Variants in SGCD observed in about 807,000 individuals in gnomAD.
SGCD encodes the protein sarcoglycan delta, also known as delta-sarcoglycan.
SGCD carries 18 observed loss-of-function variants against 36.6 expected under a neutral mutation model. That is an observed-to-expected ratio of 0.49 (90% CI 0.34 to 0.73). SGCD has a LOEUF of 0.73. Ranked by LOEUF, SGCD falls within the 30% of genes least tolerant of loss-of-function variation. The pLI, the probability that SGCD is intolerant of heterozygous loss-of-function variation, is 0.01. For synonymous variants in SGCD, 133 were observed against 130.6 expected, an observed-to-expected ratio of 1.02 and a Z score of -0.12; for missense variants, 387 against 346.7, an observed-to-expected ratio of 1.12 and a Z score of -0.92.
chr5:155,991,038 C>T (rs1241006492), intron 1 of SGCD, among the ~76,000 whole-genome samples: 1 of 152,142 alleles, frequency 6.6e-6, no homozygotes, highest in Non-Finnish European at 1.5e-5. Context: ...GCTCAAGAAT[C>T]TGTGTTTGTA....
At chr5:156,289,071 A>G (rs1766690896) in intron 3 of SGCD, among the ~76,000 whole-genome samples, 1 of 152,072 alleles carries the variant, frequency 6.6e-6, no homozygotes, top group Admixed American at 6.6e-5. Context: ...GAATTTTCCT[A>G]AATGTGTTCT....
At chr5:156,292,863 T>C (rs778332241) in intron 3 of SGCD, among the ~76,000 whole-genome samples, 15 of 152,144 alleles carry the variant, frequency 9.9e-5, no homozygotes, top group African/African-American at 3.1e-4. Context: ...ATTTGGGGCA[T>C]CTTTTCATAT....
At chr5:155,850,960 G>C in the SGCD span, among the ~76,000 whole-genome samples, 679 of 152,232 alleles carry the variant, frequency 4.5e-3, 8 homozygotes, top group African/African-American at 0.015. Flanking sequence ...ATGGGGTTGG[G>C]GGAAGTCTAG....
At chr5:156,757,180 A>G (rs1295677457) in intron 7 of SGCD, among the ~76,000 whole-genome samples, 2 of 148,594 alleles carry the variant, frequency 1.3e-5, no homozygotes, top group East Asian at 4.2e-4. Flanking sequence ...GCCTCCATGG[A>G]AGATACAGAA....
intron 6 of SGCD, among the ~76,000 whole-genome samples, chr5:156,634,485 C>T (rs1762750354): frequency 6.6e-6 from 1 of 152,028 alleles, no homozygotes; most frequent in Non-Finnish European, 1.5e-5. Context: ...AACAACAAAC[C>T]TCAGTTGCAT....
intron 1 of SGCD, among the ~76,000 whole-genome samples, chr5:156,007,641 T>G (rs1185536632): frequency 6.6e-6 from 1 of 152,182 alleles, no homozygotes; most frequent in Non-Finnish European, 1.5e-5. Flanking sequence ...AGTAGGGCTC[T>G]GGGGGTAGTA....
Position 156,481,144 on chromosome 5 carries a change from A to G in SGCD, c.193-27457A>G, listed in dbSNP as rs115885694. ...TAATTAATACGGTATAAAAGCACAA[A>G]GAAGGTCCATAACAAAAGTAAGTAT... is the stretch of plus-strand genomic sequence containing the variant. On this transcript the variant is annotated intron_variant, in intron 3 of 8. Coordinates refer to ENST00000337851, the MANE Select transcript of SGCD (RefSeq NM_000337.6). Among the ~76,000 whole-genome samples, 1,333 of 152,340 alleles carry G rather than the reference A, an allele frequency of 8.8e-3. 10 individuals carry two copies. The highest frequency in any genetic ancestry group is 0.03 in the African/African-American group (1,245 of 41,570).
At chr5:155,992,880 G>A (rs572183725) in intron 1 of SGCD, among the ~76,000 whole-genome samples, 24 of 152,210 alleles carry the variant, frequency 1.6e-4, no homozygotes, top group East Asian at 7.7e-4. Context: ...TGATGCTAAA[G>A]GGACTGCTCC....
chr5:155,811,007 C>T, the SGCD span, among the ~76,000 whole-genome samples: 77 of 147,476 alleles, frequency 5.2e-4, no homozygotes, highest in African/African-American at 1.8e-3. Context: ...TTAGTAGAGA[C>T]GGGGTTTCAC....
chr5:156,262,389 G>A (rs1418620722), intron 3 of SGCD, among the ~76,000 whole-genome samples: 3 of 152,094 alleles, frequency 2.0e-5, no homozygotes, highest in South Asian at 2.1e-4. Flanking sequence ...CCCAGGAGCA[G>A]CAGGTTATAC....
At chr5:156,340,362 G>A (rs1379955672) in intron 2 of SGCD, among the ~76,000 whole-genome samples, 10 of 152,118 alleles carry the variant, frequency 6.6e-5, no homozygotes, top group South Asian at 6.2e-4. Flanking sequence ...ATATCGCATC[G>A]TGTCCTTTGG....
chr5:156,511,677 A>G (rs1756934325), intron 4 of SGCD, among the ~76,000 whole-genome samples: 1 of 152,184 alleles, frequency 6.6e-6, no homozygotes, highest in Non-Finnish European at 1.5e-5. Context: ...TAAACAGCAC[A>G]TTGGTTTTTA....
At chr5:156,059,056 G>A (rs183283171) in intron 1 of SGCD, among the ~76,000 whole-genome samples, 1 of 144,428 alleles carries the variant, frequency 6.9e-6, no homozygotes. Flanking sequence ...TTTCTTTTTT[G>A]TGCTTCCTCA....
chr5:155,918,575 A>T (rs1231766952), intron 1 of SGCD, among the ~76,000 whole-genome samples: 1 of 152,216 alleles, frequency 6.6e-6, no homozygotes, highest in Non-Finnish European at 1.5e-5. Context: ...AAGACATAAA[A>T]ATAAATAAAT....
At chr5:155,842,061 A>G in the SGCD span, among the ~76,000 whole-genome samples, 3 of 152,132 alleles carry the variant, frequency 2.0e-5, no homozygotes, top group Non-Finnish European at 4.4e-5. Flanking sequence ...TGCTGCTTTG[A>G]AAGACTCAGC....
At chr5:156,747,292 C>T (rs1336575396) in intron 7 of SGCD, among the ~76,000 whole-genome samples, 6 of 152,148 alleles carry the variant, frequency 3.9e-5, no homozygotes, top group South Asian at 4.1e-4. Context: ...TGCTGTGTAA[C>T]GCATTACCCC....
chr5:156,328,231 C>T (rs1249653597), intron 1 of SGCD, among the ~76,000 whole-genome samples: 2 of 152,212 alleles, frequency 1.3e-5, no homozygotes, highest in Non-Finnish European at 2.9e-5. Context: ...ATTTAGAAAA[C>T]ACACAGTACA....
At chr5:156,412,153 G>A (rs187873884) in intron 3 of SGCD, among the ~76,000 whole-genome samples, 1 of 152,316 alleles carries the variant, frequency 6.6e-6, no homozygotes, top group African/African-American at 2.4e-5. Flanking sequence ...ATGTTGAAAT[G>A]TTAGCCTGGG....
intron 1 of SGCD, among the ~76,000 whole-genome samples, chr5:156,047,993 C>T (rs112211079): frequency 0.11 from 17,300 of 151,940 alleles, 2,775 homozygotes; most frequent in African/African-American, 0.36. Context: ...CCAAAACAGG[C>T]CCCGGTGTGT....
Sources: allele counts gnomAD v4.1 joint callset (sites outside exome capture counted in the v4.1 genomes callset), GRCh38; gene constraint gnomAD v4.1.1; transcripts MANE v1.5; gene names NCBI Gene and HGNC (gene_info 2026-07-23, HGNC 2026-07-21).